IQCK: variants seen among roughly 807,000 people sequenced by gnomAD.
IQCK encodes the protein IQ motif containing K.
A neutral mutation model predicts 28.1 loss-of-function variants in IQCK; 29 were observed. The ratio of observed to expected loss-of-function variants is 1.03; its 90% CI spans 0.77 to 1.41. The LOEUF is 1.41. IQCK is among the 40% of genes most tolerant of loss of function. IQCK has a pLI of 0.00. For missense variants in IQCK, 359 were observed against 314.7 expected (o/e 1.14, Z -1.07); for synonymous variants, 113 against 115.1 (o/e 0.98, Z 0.12).
chr16:19,847,677 C>T (rs999040474), intron 9 of IQCK, among the ~76,000 whole-genome samples: 26 of 152,098 alleles, frequency 1.7e-4, no homozygotes, highest in Admixed American at 1.4e-3. Context: ...CTTGTATTGT[C>T]GTGTTGCTGT....
chr16:19,776,970 G>A (rs554354836), intron 6 of IQCK, among the ~76,000 whole-genome samples: 2 of 152,242 alleles, frequency 1.3e-5, no homozygotes, highest in Admixed American at 6.5e-5. Flanking sequence ...CAAAAAGAAT[G>A]GCCCTGAGAA....
intron 4 of IQCK, among the ~76,000 whole-genome samples, chr16:19,750,677 G>A (rs1368696321): frequency 4.6e-5 from 7 of 151,762 alleles, no homozygotes; most frequent in African/African-American, 1.7e-4. Context: ...GGCCAGGCTG[G>A]TCTCGAACTC....
chr16:19,851,228 T>C (rs972873830), intron 9 of IQCK, among the ~76,000 whole-genome samples: 2 of 152,128 alleles, frequency 1.3e-5, no homozygotes, highest in African/African-American at 4.8e-5. Context: ...TGCCCAAATC[T>C]GCTCTCTTTC....
chr16:19,749,492 G>A (rs2054956767), intron 4 of IQCK, among the ~76,000 whole-genome samples: 1 of 152,164 alleles, frequency 6.6e-6, no homozygotes, highest in Non-Finnish European at 1.5e-5. Context: ...GGGCATGGTG[G>A]CTCACATATA....
intron 6 of IQCK, among the ~76,000 whole-genome samples, chr16:19,785,627 CTTTG>C (rs2055552437): frequency 6.6e-6 from 1 of 152,148 alleles, no homozygotes; most frequent in Non-Finnish European, 1.5e-5. Context: ...GCATAGAAGT[CTTTG>C]TTTGCATAAC....
chr16:19,745,932 G>T lies in IQCK; in HGVS notation c.474+10482G>T, dbSNP rs114739152. On this transcript the variant is annotated intron_variant, in intron 4 of 7. Transcript: ENST00000564186. ...CTCCTTTACAGCGTGGTGGTCTCCA[G>T]CAGCTTTCCAAGAGGGTAAAAGCAA... 7.8e-3 allele frequency among the ~76,000 whole-genome samples: 1,192 copies of T among 152,278 alleles called. 10 individuals are homozygous for T. The highest frequency in any genetic ancestry group is 0.027 in the African/African-American group (1,122 of 41,550).
chr16:19,810,243 T>G (rs911975344), intron 7 of IQCK, among the ~76,000 whole-genome samples: 1 of 152,132 alleles, frequency 6.6e-6, no homozygotes, highest in Non-Finnish European at 1.5e-5. Flanking sequence ...ATGCCTGTAA[T>G]CCCAGCACTT....
chr16:19,823,120 G>C (rs1473597996), intron 7 of IQCK, among the ~76,000 whole-genome samples: 5 of 152,098 alleles, frequency 3.3e-5, no homozygotes, highest in Admixed American at 6.5e-5. Context: ...CGAGCAAGTT[G>C]AAACTTGGGA....
intron 9 of IQCK, among the ~76,000 whole-genome samples, chr16:19,841,920 A>T (rs1481173649): frequency 2.0e-5 from 3 of 150,378 alleles, no homozygotes; most frequent in Non-Finnish European, 4.4e-5. Context: ...ATCTCAGCTC[A>T]CTGCAACCTC....
At chr16:19,763,167 G>C (rs1466998283) in intron 4 of IQCK, among the ~76,000 whole-genome samples, 1 of 151,990 alleles carries the variant, frequency 6.6e-6, no homozygotes, top group Non-Finnish European at 1.5e-5. Flanking sequence ...ATAGCCTACT[G>C]TTGACTTACC....
rs141875283 is a variant in IQCK at position 19,730,641 on chromosome 16, C to T, written c.246+147C>T. The T allele has an allele frequency of 4.8e-5, 25 of 516,182 alleles. No individual in the cohort carries two copies. In the East Asian group the frequency reaches 7.7e-4, roughly 16 times the overall value. The allele number at this position is 516,182 out of a possible 1,614,324, so 32.0% of individuals were successfully genotyped here. On this transcript the variant is annotated intron_variant, in intron 2 of 7. Transcript: ENST00000564186. ...GAGAACCAGAAACTTGGGGCCAATC[C>T]CAGCTCTAATACTAACAGTTTGACT...
At chr16:19,718,704 A>C (rs1439854867) in intron 1 of IQCK, among the ~76,000 whole-genome samples, 2 of 151,898 alleles carry the variant, frequency 1.3e-5, no homozygotes, top group Admixed American at 1.3e-4. Context: ...ATCCGTAGTG[A>C]GGTTAAAGGC....
At chr16:19,824,477 A>G (rs1425307376) in intron 7 of IQCK, among the ~76,000 whole-genome samples, 3 of 152,176 alleles carry the variant, frequency 2.0e-5, no homozygotes, top group Admixed American at 2.0e-4. Flanking sequence ...CAGGCCATGG[A>G]CCGGTACCAG....
At chr16:19,719,745 G>A (rs1339210524) in intron 1 of IQCK, among the ~76,000 whole-genome samples, 1 of 149,308 alleles carries the variant, frequency 6.7e-6, no homozygotes, top group Non-Finnish European at 1.5e-5. Context: ...CACTGGCTGG[G>A]CTCACTGCAA....
intron 6 of IQCK, among the ~76,000 whole-genome samples, chr16:19,785,779 G>A (rs1232788560): frequency 1.3e-5 from 2 of 152,204 alleles, no homozygotes; most frequent in Non-Finnish European, 2.9e-5. Flanking sequence ...TTGGACCCAA[G>A]AAGATTCTGT....
At chr16:19,850,996 C>G (rs745989094) in intron 9 of IQCK, among the ~76,000 whole-genome samples, 2 of 152,156 alleles carry the variant, frequency 1.3e-5, no homozygotes, top group Non-Finnish European at 2.9e-5. Context: ...TGCTTTCCAG[C>G]CTGGGTAACA....
intron 7 of IQCK, among the ~76,000 whole-genome samples, chr16:19,805,510 TGCCC>T (rs2055822046): frequency 6.6e-6 from 1 of 152,204 alleles, no homozygotes; most frequent in Non-Finnish European, 1.5e-5. Context: ...ACAAAGTCCC[TGCCC>T]TCATGGAGCT....
chr16:19,756,552 T>A (rs1007891981), intron 4 of IQCK, among the ~76,000 whole-genome samples: 1 of 152,180 alleles, frequency 6.6e-6, no homozygotes, highest in African/African-American at 2.4e-5. Flanking sequence ...GATTAGGCCA[T>A]CAGGGTGGAG....
chr16:19,779,505 G>GT (rs1288786067), intron 6 of IQCK, among the ~76,000 whole-genome samples: 1 of 152,106 alleles, frequency 6.6e-6, no homozygotes, highest in South Asian at 2.1e-4. Context: ...AATATGAAAA[G>GT]TTTTTTCTTT....
Sources: allele counts gnomAD v4.1 joint callset (sites outside exome capture counted in the v4.1 genomes callset), GRCh38; gene constraint gnomAD v4.1.1; transcripts MANE v1.5; gene names NCBI Gene and HGNC (gene_info 2026-07-23, HGNC 2026-07-21).